KLHL1: variants seen among roughly 807,000 people sequenced by gnomAD.
KLHL1 encodes kelch-like protein 1.
A neutral mutation model predicts 77.7 loss-of-function variants in KLHL1; 47 were observed. The ratio of observed to expected loss-of-function variants is 0.60; its 90% CI spans 0.48 to 0.77. The LOEUF (loss-of-function observed/expected upper bound fraction) is 0.77, where lower values mean the gene tolerates loss of function less well. KLHL1 is among the 30% of genes least tolerant of loss of function. The pLI is 0.00. For missense variants in KLHL1, 925 were observed against 910.8 expected (o/e 1.02, Z -0.20); for synonymous variants, 360 against 325.2 (o/e 1.11, Z -1.15).
intron 1 of KLHL1, among the ~76,000 whole-genome samples, chr13:70,077,558 T>C (rs535736067): frequency 2.6e-5 from 4 of 151,464 alleles, no homozygotes; most frequent in South Asian, 2.1e-4. Context: ...TACATAAAAC[T>C]GTATTTCTCA....
rs1409873302 is a variant in KLHL1, at chr13:69,940,166, C to G, written c.888G>C (p.Gln296His). ...GGAAGTGGCAGCACACTTCCACCACCTGTGGAAGCTGAAGAAGGCACGCTG... is the reference window on the plus strand; with the variant it reads ...GGAAGTGGCAGCACACTTCCACCACGTGTGGAAGCTGAAGAAGGCACGCTG... ...LAAACLLQLPQVVEVCCHFLM... is the reference protein window; with the variant it reads ...LAAACLLQLPHVVEVCCHFLM... Residue 296 changes from glutamine (Q) to histidine (H), a missense_variant, in exon 4 of 11, where the codon CAG (glutamine) becomes CAC (histidine). By Grantham distance (24) the Gln-to-His change is conservative. Coordinates refer to ENST00000377844, the MANE Select transcript of KLHL1 (RefSeq NM_020866.3). 11 of 1,612,154 alleles carry G rather than the reference C, an allele frequency of 6.8e-6. No homozygotes were observed. The highest frequency in any genetic ancestry group is 9.3e-6 in the Non-Finnish European group (11 of 1,178,962).
intron 6 of KLHL1, among the ~76,000 whole-genome samples, chr13:69,813,241 G>A (rs924590695): frequency 3.2e-4 from 48 of 151,406 alleles, no homozygotes; most frequent in East Asian, 5.9e-4. Context: ...AACAAACACC[G>A]CATGTTCTCA....
At chr13:69,789,855 A>G (rs1437737875) in intron 7 of KLHL1, among the ~76,000 whole-genome samples, 1 of 151,294 alleles carries the variant, frequency 6.6e-6, no homozygotes, top group African/African-American at 2.4e-5. Flanking sequence ...TTTGTTTTGC[A>G]TTGTCAAAGG....
intron 5 of KLHL1, among the ~76,000 whole-genome samples, chr13:69,842,908 C>T (rs1566315110): frequency 6.6e-6 from 1 of 151,642 alleles, no homozygotes; most frequent in Admixed American, 6.6e-5. Context: ...AACTGGAGGT[C>T]ATTATCTTAA....
In KLHL1 at chr13:70,108,215, C is replaced by A; in HGVS notation, c.-516G>T. On this transcript the variant is annotated 5_prime_UTR_variant, in exon 1 of 11. Transcript: ENST00000377844. ...AGCGCAGAGAGAAAGAGCCCCAAGT[C>A]TCGAGGAAGCGTACCCCTCGCCAGA... 3 of 394,280 alleles carry A rather than the reference C, an allele frequency of 7.6e-6. 1 individual carries two copies. The East Asian group carries it at 1.1e-4, about 14-fold the overall frequency. 24.4% of individuals were successfully genotyped at this position (394,280 alleles called of 1,614,324 possible). A position where few individuals can be genotyped will look rare whatever the true frequency, so the allele number is the denominator to read the frequency against.
chr13:69,803,136 T>C (rs1393719016), intron 6 of KLHL1: 1 of 152,158 alleles, frequency 6.6e-6, no homozygotes, highest in Non-Finnish European at 1.5e-5. Context: ...ATATTATTCT[T>C]AAATAAATAT....
At chr13:70,028,661 G>A (rs1329465422) in intron 1 of KLHL1, among the ~76,000 whole-genome samples, 1 of 152,060 alleles carries the variant, frequency 6.6e-6, no homozygotes, top group Non-Finnish European at 1.5e-5. Context: ...ATTTTTCAGG[G>A]AGCATTAGTG....
chr13:69,952,521 G>A (rs1294381661), intron 3 of KLHL1, among the ~76,000 whole-genome samples: 1 of 151,304 alleles, frequency 6.6e-6, no homozygotes, highest in Non-Finnish European at 1.5e-5. Flanking sequence ...CATTTGGCTA[G>A]GACATTTTCT....
At chr13:69,915,588 T>G (rs1167030465) in intron 4 of KLHL1, among the ~76,000 whole-genome samples, 3 of 152,106 alleles carry the variant, frequency 2.0e-5, no homozygotes, top group Non-Finnish European at 4.4e-5. Flanking sequence ...ATACAAAAAT[T>G]AATTCAAGAT....
intron 1 of KLHL1, among the ~76,000 whole-genome samples, chr13:70,072,950 A>G (rs1274261522): frequency 6.6e-6 from 1 of 152,118 alleles, no homozygotes; most frequent in African/African-American, 2.4e-5. Flanking sequence ...AGTTCTAGCT[A>G]ATGAAATAAG....
At chr13:69,942,488 TA>T (rs1883395839) in intron 3 of KLHL1, among the ~76,000 whole-genome samples, 1 of 152,094 alleles carries the variant, frequency 6.6e-6, no homozygotes, top group African/African-American at 2.4e-5. Flanking sequence ...TATGACATAA[TA>T]AAAAGTTATC....
chr13:69,924,370 T>G (rs1882744526), intron 4 of KLHL1, among the ~76,000 whole-genome samples: 1 of 152,078 alleles, frequency 6.6e-6, no homozygotes, highest in South Asian at 2.1e-4. Context: ...AGCATTCACT[T>G]CTTCCCCTCT....
chr13:69,868,463 C>A (rs147049930), intron 5 of KLHL1, among the ~76,000 whole-genome samples: 18 of 151,968 alleles, frequency 1.2e-4, no homozygotes, highest in African/African-American at 4.3e-4. Flanking sequence ...GCTCAGTAAA[C>A]AACAATTATG....
chr13:69,835,386 G>A (rs1048971068), intron 6 of KLHL1, among the ~76,000 whole-genome samples: 2 of 152,124 alleles, frequency 1.3e-5, no homozygotes, highest in African/African-American at 2.4e-5. Context: ...ACAGTGAGGT[G>A]AAACCAGAGA....
chr13:69,963,218 C>T (rs1481225879), intron 2 of KLHL1, among the ~76,000 whole-genome samples: 1 of 151,964 alleles, frequency 6.6e-6, no homozygotes, highest in Non-Finnish European at 1.5e-5. Flanking sequence ...ACAACCACCT[C>T]ACCTAGCATG....
intron 1 of KLHL1, among the ~76,000 whole-genome samples, chr13:69,987,005 G>GAAT (rs60835886): frequency 0.16 from 23,498 of 151,440 alleles, 3,836 homozygotes; most frequent in African/African-American, 0.42. Flanking sequence ...TTTAGATCAT[G>GAAT]AACAAGATAA....
chr13:70,055,619 A>G (rs1362586712), intron 1 of KLHL1, among the ~76,000 whole-genome samples: 1 of 152,162 alleles, frequency 6.6e-6, no homozygotes, highest in East Asian at 1.9e-4. Context: ...CTTAAGACAT[A>G]GGTAGAATAA....
chr13:69,826,002 T>G (rs1033143169), intron 6 of KLHL1, among the ~76,000 whole-genome samples: 2 of 152,162 alleles, frequency 1.3e-5, no homozygotes, highest in African/African-American at 2.4e-5. Flanking sequence ...AAAAAAAGAT[T>G]TATTTATTTT....
chr13:69,790,666 C>A (rs1164429311), intron 7 of KLHL1, among the ~76,000 whole-genome samples: 1 of 151,860 alleles, frequency 6.6e-6, no homozygotes, highest in Non-Finnish European at 1.5e-5. Flanking sequence ...ATTTAATATA[C>A]TCTACTAATT....
Sources: allele counts gnomAD v4.1 joint callset (sites outside exome capture counted in the v4.1 genomes callset), GRCh38; gene constraint gnomAD v4.1.1; transcripts MANE v1.5; gene names NCBI Gene and HGNC (gene_info 2026-07-23, HGNC 2026-07-21).